Variants in KCNK2 observed in about 807,000 individuals in gnomAD.
KCNK2 encodes potassium channel subfamily K member 2.
A neutral mutation model predicts 40.5 loss-of-function variants in KCNK2; 21 were observed. That is an observed-to-expected ratio of 0.52 (90% CI 0.37 to 0.75). The LOEUF (loss-of-function observed/expected upper bound fraction) is 0.75. Ranked by LOEUF, KCNK2 falls within the 30% of genes least tolerant of loss-of-function variation. KCNK2 has a pLI of 0.00. For missense variants in KCNK2, 399 were observed against 531.6 expected (o/e 0.75, Z 2.45); for synonymous variants, 191 against 202.2 (o/e 0.94, Z 0.47).
chr1:215,130,428 T>C (rs1661618823), intron 3 of KCNK2, among the ~76,000 whole-genome samples: 1 of 152,210 alleles, frequency 6.6e-6, no homozygotes, highest in Non-Finnish European at 1.5e-5. Context: ...GAAAATGCTT[T>C]CCAGAGTTCT....
chr1:215,139,365 A>G (rs539865708), intron 3 of KCNK2, among the ~76,000 whole-genome samples: 1 of 152,388 alleles, frequency 6.6e-6, no homozygotes, highest in African/African-American at 2.4e-5. Context: ...ATTTTAAAAA[A>G]TCATTCGTTG....
chr1:215,079,723 C>A (rs559107748), upstream of KCNK2, among the ~76,000 whole-genome samples: 4 of 152,244 alleles, frequency 2.6e-5, no homozygotes, highest in East Asian at 7.7e-4. Flanking sequence ...ATAAACCATC[C>A]TATTTCCTCA....
chr1:215,093,180 C>A (rs185876722), intron 2 of KCNK2, among the ~76,000 whole-genome samples: 17 of 151,784 alleles, frequency 1.1e-4, no homozygotes, highest in African/African-American at 4.1e-4. Flanking sequence ...AGCACTTCAA[C>A]ATGTAGCAAT....
intron 5 of KCNK2, among the ~76,000 whole-genome samples, chr1:215,186,184 A>G (rs1000807082): frequency 1.3e-5 from 2 of 152,188 alleles, no homozygotes; most frequent in African/African-American, 4.8e-5. Context: ...CAAGGCAGGA[A>G]GATCACTTGT....
chr1:215,070,117 G>A (rs1658694348), intron 1 of KCNK2, among the ~76,000 whole-genome samples: 1 of 152,016 alleles, frequency 6.6e-6, no homozygotes, highest in African/African-American at 2.4e-5. Context: ...ATTTATATAG[G>A]AAACAGGTTT....
intron 2 of KCNK2, among the ~76,000 whole-genome samples, chr1:215,123,069 A>G (rs1661266253): frequency 6.6e-6 from 1 of 152,192 alleles, no homozygotes; most frequent in Non-Finnish European, 1.5e-5. Flanking sequence ...CTTTAATGTG[A>G]CAACTTTATT....
intron 6 of KCNK2, among the ~76,000 whole-genome samples, chr1:215,218,146 A>G (rs11120520): frequency 0.055 from 8,312 of 152,288 alleles, 695 homozygotes; most frequent in African/African-American, 0.19. Flanking sequence ...TAATGCAGTC[A>G]CAGTATAGGA....
chr1:215,173,294 T>A (rs998311297), intron 5 of KCNK2, among the ~76,000 whole-genome samples: 1 of 152,206 alleles, frequency 6.6e-6, no homozygotes, highest in Admixed American at 6.6e-5. Context: ...ACAAAGGACA[T>A]GAACTCATCC....
chr1:215,079,412 A>G (rs941964156), upstream of KCNK2, among the ~76,000 whole-genome samples: 1 of 152,218 alleles, frequency 6.6e-6, no homozygotes, highest in African/African-American at 2.4e-5. Flanking sequence ...GGCACATCTT[A>G]TATGACTGGA....
intron 6 of KCNK2, among the ~76,000 whole-genome samples, chr1:215,214,710 C>T (rs1558143662): frequency 6.6e-6 from 1 of 152,042 alleles, no homozygotes; most frequent in Non-Finnish European, 1.5e-5. Context: ...CCTGTACCCC[C>T]AACTACTCAG....
chr1:215,230,994 T>C (rs1029168007), intron 6 of KCNK2, among the ~76,000 whole-genome samples: 1 of 152,160 alleles, frequency 6.6e-6, no homozygotes, highest in Non-Finnish European at 1.5e-5. Flanking sequence ...CTTTTCCTAA[T>C]TGGCAGGAAT....
chr1:215,210,396 A>G (rs951713721), intron 6 of KCNK2, among the ~76,000 whole-genome samples: 1 of 151,888 alleles, frequency 6.6e-6, no homozygotes, highest in Non-Finnish European at 1.5e-5. Context: ...TCCTATTTTG[A>G]AGCTTCATGA....
At chr1:215,096,261 C>T (rs896944976) in intron 2 of KCNK2, among the ~76,000 whole-genome samples, 4 of 151,538 alleles carry the variant, frequency 2.6e-5, no homozygotes, top group Middle Eastern at 3.2e-3. Flanking sequence ...TATAGGATCA[C>T]GTATGCATGC....
At chr1:215,020,500 A>G (rs1367363107) in intron 1 of KCNK2, among the ~76,000 whole-genome samples, 2 of 152,118 alleles carry the variant, frequency 1.3e-5, no homozygotes, top group Admixed American at 6.5e-5. Context: ...ATCTTGGCTC[A>G]TTGCAACCCC....
chr1:215,011,568 AG>A, intron 1 of KCNK2, among the ~76,000 whole-genome samples: 1 of 152,106 alleles, frequency 6.6e-6, no homozygotes, highest in East Asian at 1.9e-4. Context: ...CTGGGATTAC[AG>A]GCGTGAGTCA....
chr1:215,143,144 T>C (rs1466804072), intron 3 of KCNK2, among the ~76,000 whole-genome samples: 1 of 152,174 alleles, frequency 6.6e-6, no homozygotes, highest in East Asian at 1.9e-4. Context: ...AGAATCCTTT[T>C]TTTTAAATTG....
intron 1 of KCNK2, among the ~76,000 whole-genome samples, chr1:215,013,297 T>C (rs1226216566): frequency 6.6e-6 from 1 of 152,186 alleles, no homozygotes; most frequent in African/African-American, 2.4e-5. Context: ...TTGACCTGTA[T>C]ACCATAATTT....
At chr1:215,097,630 A>T (rs1558089970) in intron 2 of KCNK2, among the ~76,000 whole-genome samples, 1 of 152,018 alleles carries the variant, frequency 6.6e-6, no homozygotes, top group Non-Finnish European at 1.5e-5. Context: ...AGTAGCAGAT[A>T]AAGTGTAATG....
At position 215,125,739 on chromosome 1, in the gene KCNK2, AATATATATAT is replaced by A. The variant is rs66622204; in HGVS notation, c.475+1019_475+1028del. Among the ~76,000 whole-genome samples, 15 of 124,314 alleles carry A rather than the reference AATATATATAT, an allele frequency of 1.2e-4. No individual in the cohort carries two copies. The South Asian group carries it at 3.1e-3, about 26-fold the overall frequency. 81.6% of individuals were successfully genotyped at this position (124,314 alleles called of 152,430 possible). On this transcript the variant is annotated intron_variant, in intron 3 of 6. Coordinates refer to ENST00000444842, the MANE Select transcript of KCNK2 (RefSeq NM_001017425.3). Reference sequence around the variant, plus strand: ...GTACCCTAGAACTTGAAGTATAATAAATATATATATATATATATATATATATATATATATA... The same window carrying A: ...GTACCCTAGAACTTGAAGTATAATAAATATATATATATATATATATATATA...
Sources: gnomAD v4.1 joint callset for allele counts (sites outside exome capture counted in the v4.1 genomes callset) on GRCh38, gnomAD v4.1.1 for gene constraint, MANE v1.5 for transcripts, NCBI Gene and HGNC (gene_info 2026-07-23, HGNC 2026-07-21) for gene names.